The following OSTF1 variants were observed in gnomAD, a reference collection of about 807,000 sequenced individuals.
OSTF1 encodes osteoclast-stimulating factor 1.
In OSTF1, 27 loss-of-function variants were observed where a neutral mutation model predicts 37.2. The observed-to-expected ratio is 0.73, with a 90% confidence interval of 0.54 to 1.00. OSTF1 has a LOEUF of 1.00. Among genes scored for constraint, OSTF1 ranks in the 50% least tolerant of loss-of-function variants. The probability of loss-of-function intolerance (pLI) is 0.00; values close to 1 mark genes in which losing one functional copy is unlikely to be tolerated. For synonymous variants in OSTF1, 82 were observed against 89.2 expected (o/e 0.92, Z 0.46); for missense variants, 232 against 253.8 (o/e 0.91, Z 0.58).
rs1313920844 is a variant in OSTF1 at position 75,127,599 on chromosome 9, A to G, written c.112A>G (p.Ile38Val). The change falls in exon 3 of 10, where the codon ATT becomes GTT. Residue 38 changes from isoleucine to valine, a missense_variant. By Grantham distance (29) the Ile-to-Val change is conservative. Coordinates refer to ENST00000346234, the MANE Select transcript of OSTF1 (RefSeq NM_012383.5). ...PDELYFEEGD[I>V]IYITDMSDTN... ...TGAATTATACTTTGAGGAAGGTGATATTATCTACATTACTGACATGGTAAG... is the reference window on the plus strand; with the variant it reads ...TGAATTATACTTTGAGGAAGGTGATGTTATCTACATTACTGACATGGTAAG... 1 of 1,580,526 alleles carries G rather than the reference A, an allele frequency of 6.3e-7. No individual in the cohort carries two copies. Among genetic ancestry groups the G allele is most frequent in the Non-Finnish European group, 8.6e-7 (1 of 1,159,142 alleles).
chr9:75,095,605 T>G (rs1192653512), intron 1 of OSTF1, among the ~76,000 whole-genome samples: 2 of 152,208 alleles, frequency 1.3e-5, no homozygotes, highest in African/African-American at 4.8e-5. Context: ...GGGCTAAGCT[T>G]CTTTCAGAGA....
chr9:75,090,637 T>G (rs1364134774), intron 1 of OSTF1, among the ~76,000 whole-genome samples: 1 of 151,680 alleles, frequency 6.6e-6, no homozygotes, highest in Non-Finnish European at 1.5e-5. Context: ...TTACTGCCAA[T>G]CAGAGTTGAA....
At chr9:75,111,842 G>A (rs1219377795) in intron 1 of OSTF1, among the ~76,000 whole-genome samples, 1 of 30,980 alleles carries the variant, frequency 3.2e-5, no homozygotes, top group Non-Finnish European at 6.0e-5. Flanking sequence ...TTTTTTTTTT[G>A]AGGCGGAGTT....
intron 1 of OSTF1, among the ~76,000 whole-genome samples, chr9:75,096,113 G>A (rs1825081716): frequency 6.6e-6 from 1 of 152,136 alleles, no homozygotes; most frequent in African/African-American, 2.4e-5. Context: ...GGATGGTCTC[G>A]ATCTCCTGAC....
intron 2 of OSTF1, among the ~76,000 whole-genome samples, chr9:75,119,602 T>C (rs951865808): frequency 6.6e-6 from 1 of 152,228 alleles, no homozygotes; most frequent in African/African-American, 2.4e-5. Context: ...GGCTTGTAGA[T>C]GTCAGACTTC....
At chr9:75,139,086 A>C (rs1475106699) in intron 8 of OSTF1, among the ~76,000 whole-genome samples, 2 of 81,120 alleles carry the variant, frequency 2.5e-5, no homozygotes, top group Admixed American at 1.2e-4. Flanking sequence ...TCTATTGCCC[A>C]GGCTGGAATG....
chr9:75,133,009 A>ACC (rs1367881454), intron 5 of OSTF1, among the ~76,000 whole-genome samples: 4 of 28,966 alleles, frequency 1.4e-4, no homozygotes, highest in Non-Finnish European at 4.0e-4. Flanking sequence ...ACACACACAC[A>ACC]CACCCCTATA....
At chr9:75,128,408 T>TA (rs1825699300) in intron 3 of OSTF1, among the ~76,000 whole-genome samples, 1 of 62,000 alleles carries the variant, frequency 1.6e-5, no homozygotes, top group African/African-American at 5.3e-5. Context: ...ATATATATAT[T>TA]TTGTCCATAT....
chr9:75,122,810 A>G (rs1395363480), intron 2 of OSTF1, among the ~76,000 whole-genome samples: 1 of 152,274 alleles, frequency 6.6e-6, no homozygotes, highest in Non-Finnish European at 1.5e-5. Flanking sequence ...TACGTGGCAC[A>G]TAATATATAC....
intron 2 of OSTF1, among the ~76,000 whole-genome samples, chr9:75,125,209 G>A (rs374287343): frequency 1.3e-5 from 2 of 152,220 alleles, no homozygotes; most frequent in East Asian, 3.8e-4. Context: ...TAATGTGGGC[G>A]GGAGGTTGGG....
intron 1 of OSTF1, among the ~76,000 whole-genome samples, chr9:75,091,191 T>C (rs950026799): frequency 6.7e-6 from 1 of 149,030 alleles, no homozygotes; most frequent in African/African-American, 2.5e-5. Flanking sequence ...GATCAAGCAA[T>C]TCTCTGCCTC....
rs1824845130 is a variant in OSTF1 at position 75,088,514 on chromosome 9, A to G, written c.-179A>G. On this transcript the variant is annotated 5_prime_UTR_variant, in exon 1 of 10. Coordinates refer to ENST00000346234, the MANE Select transcript of OSTF1 (RefSeq NM_012383.5). Reference sequence around the variant, plus strand: ...CGGCGGCCGCGGGGCGGGGCGGAGCACTCGGCGGAGCCGCTCTGCCTGCGT... The same window carrying G: ...CGGCGGCCGCGGGGCGGGGCGGAGCGCTCGGCGGAGCCGCTCTGCCTGCGT... 7.7e-6 allele frequency: 5 copies of G among 652,414 alleles called. No homozygotes were observed. Among genetic ancestry groups the G allele is most frequent in the South Asian group, 5.5e-5 (3 of 54,910 alleles). 40.4% of individuals were successfully genotyped at this position (652,414 alleles called of 1,614,324 possible).
Position 75,140,933 on chromosome 9 carries a change from G to A in OSTF1, c.586+1G>A. ...CTCCTGAAAAAGAAACAGGGAACAG[G>A]TATTTGTTTTAAATTCTTCTTTCTC... On this transcript the variant is annotated splice_donor_variant, in intron 9 of 9. Coordinates refer to ENST00000346234, the MANE Select transcript of OSTF1 (RefSeq NM_012383.5). LOFTEE classifies it high-confidence loss of function. 6.2e-7 allele frequency: 1 copy of A among 1,602,418 alleles called. No individual in the cohort carries two copies. The highest frequency in any genetic ancestry group is 1.1e-5 in the South Asian group (1 of 90,834).
intron 2 of OSTF1, among the ~76,000 whole-genome samples, chr9:75,126,362 TG>T (rs773106213): frequency 1.3e-5 from 2 of 152,238 alleles, no homozygotes; most frequent in Non-Finnish European, 2.9e-5. Context: ...TGGAAATTTT[TG>T]TGTCTATTTA....
rs745954641 is a variant in OSTF1 at position 75,088,521 on chromosome 9, G to C, written c.-172G>C. The C allele has an allele frequency of 8.7e-6, 6 of 691,136 alleles. No homozygotes were observed. Among genetic ancestry groups the C allele is most frequent in the Non-Finnish European group, 1.2e-5 (5 of 411,220 alleles). The allele number at this position is 691,136 out of a possible 1,614,324, so 42.8% of individuals were successfully genotyped here. A position where few individuals can be genotyped will look rare whatever the true frequency, so the allele number is the denominator to read the frequency against. ...CGCGGGGCGGGGCGGAGCACTCGGC[G>C]GAGCCGCTCTGCCTGCGTCCGCTCT... On this transcript the variant is annotated 5_prime_UTR_variant, in exon 1 of 10. Transcript: ENST00000346234.
chr9:75,121,287 TTTGATGGG>T (rs1318437929), intron 2 of OSTF1, among the ~76,000 whole-genome samples: 4 of 152,172 alleles, frequency 2.6e-5, no homozygotes, highest in African/African-American at 9.7e-5. Flanking sequence ...AACAGATATT[TTTGATGGG>T]TTGTGTATTG....
chr9:75,113,489 C>T (rs962252773), intron 1 of OSTF1, among the ~76,000 whole-genome samples: 11 of 151,246 alleles, frequency 7.3e-5, no homozygotes, highest in African/African-American at 4.9e-5. Flanking sequence ...TGCTCTCTCG[C>T]CCAAGCTGGA....
chr9:75,140,757 T>C, intron 8 of OSTF1, 77 bp from the exon 9 acceptor site: 2 of 948,448 alleles, frequency 2.1e-6, no homozygotes, highest in Non-Finnish European at 3.2e-6. Flanking sequence ...CAAAAGTTGT[T>C]AGCTGTGGGG....
At position 75,134,375 on chromosome 9, in the gene OSTF1, A is replaced by G. The variant is rs766937821; in HGVS notation, c.388A>G (p.Asn130Asp). The G allele has an allele frequency of 1.9e-6, 3 of 1,571,944 alleles. No individual in the cohort carries two copies. In the African/African-American group the frequency reaches 4.1e-5, roughly 21 times the overall value. The change falls in exon 7 of 10, where the codon AAT becomes GAT. Residue 130 changes from asparagine (N) to aspartate (D), a missense_variant. Asn to Asp is a conservative substitution (Grantham distance 23, BLOSUM62 1). Transcript: ENST00000346234. ...AGTGGAAATGCTATTTACTCAACCA[A>G]ATATTGAACTGAACCAGCAGGTAAG... ...DIVEMLFTQP[N>D]IELNQQNKLG...
Sources: allele counts gnomAD v4.1 joint callset (sites outside exome capture counted in the v4.1 genomes callset), GRCh38; gene constraint gnomAD v4.1.1; transcripts MANE v1.5; gene names NCBI Gene and HGNC (gene_info 2026-07-23, HGNC 2026-07-21).